The following PCSK5 variants were observed in gnomAD, a reference collection of about 807,000 sequenced individuals.
PCSK5 encodes proprotein convertase subtilisin/kexin type 5.
In PCSK5, 129 loss-of-function variants were observed where a neutral mutation model predicts 233.2. The ratio of observed to expected loss-of-function variants is 0.55; its 90% CI spans 0.48 to 0.64. The LOEUF is 0.64. PCSK5 is among the 30% of genes least tolerant of loss of function. The pLI is 0.00. For missense variants in PCSK5, 2,076 were observed against 2,430.1 expected, an observed-to-expected ratio of 0.85 and a Z score of 3.06; for synonymous variants, 825 against 879.2, an observed-to-expected ratio of 0.94 and a Z score of 1.09.
At chr9:75,927,218 G>T (rs1218459252) in intron 1 of PCSK5, among the ~76,000 whole-genome samples, 1 of 152,100 alleles carries the variant, frequency 6.6e-6, no homozygotes, top group African/African-American at 2.4e-5. Context: ...TGTGCGTATT[G>T]GCCATTTGTA....
intron 20 of PCSK5, among the ~76,000 whole-genome samples, chr9:76,192,060 A>G (rs1416003369): frequency 1.1e-5 from 1 of 92,894 alleles, no homozygotes; most frequent in Non-Finnish European, 2.0e-5. Flanking sequence ...ACAGAGCAAG[A>G]CTGTCTCAAA....
At chr9:76,102,608 A>G (rs1451241136) in intron 8 of PCSK5, among the ~76,000 whole-genome samples, 2 of 152,180 alleles carry the variant, frequency 1.3e-5, no homozygotes, top group Non-Finnish European at 2.9e-5. Flanking sequence ...ATCTGCAAAA[A>G]TTTGAAATCT....
At chr9:76,129,814 A>C (rs1822685099) in intron 9 of PCSK5, among the ~76,000 whole-genome samples, 2 of 152,118 alleles carry the variant, frequency 1.3e-5, no homozygotes, top group South Asian at 4.1e-4. Flanking sequence ...GCTTCTTCTA[A>C]ACCTTGTGTT....
Position 76,350,916 on chromosome 9 carries a change from C to G in PCSK5, c.5055C>G (p.Tyr1685Ter). ...CCTCGGACTGTCTTGTGGGGGAATA[C>G]AGAGTGGGAGAGGTATGGAGGGCTG... is the stretch of plus-strand genomic sequence containing the variant. Reference protein sequence around the residue: ...ICTSDCLVGEYRVGEGEKFNC... With the variant: ...ICTSDCLVGE Residue 1685 changes from tyrosine (Y) to a stop codon, truncating the protein, a stop_gained, in exon 36 of 38, where the codon TAC (tyrosine) becomes TAG (stop). Transcript: ENST00000674117. LOFTEE classifies it high-confidence loss of function. 1 of 1,592,372 alleles carries G rather than the reference C, an allele frequency of 6.3e-7. No individual in the cohort carries two copies. The highest frequency in any genetic ancestry group is 8.6e-7 in the Non-Finnish European group (1 of 1,162,266).
intron 1 of PCSK5, among the ~76,000 whole-genome samples, chr9:75,907,253 AC>A (rs546799805): frequency 1.7e-3 from 262 of 152,040 alleles, no homozygotes; most frequent in African/African-American, 6.2e-3. Flanking sequence ...ATAGTGTCTC[AC>A]TGTGTATACT....
chr9:76,310,776 T>C lies in PCSK5; in HGVS notation c.3809T>C (p.Leu1270Pro). The C allele has an allele frequency of 6.2e-7, 1 of 1,612,238 alleles. No homozygotes were observed. The highest frequency in any genetic ancestry group is 1.1e-5 in the South Asian group (1 of 90,894). The change falls in exon 30 of 38, where the codon CTT becomes CCT. Residue 1270 changes from leucine (L) to proline (P), a missense_variant. Physicochemically the swap from Leu to Pro is moderately conservative, Grantham distance 98. Around this residue, in one of 6 missense-constraint regions of PCSK5, gnomAD observed 1,510 missense variants for 1,538.1 expected, o/e 0.98. Transcript: ENST00000674117. ...EACAICSGAD[L>P]CKKCQMQPGH... The stretch of plus-strand genomic sequence containing the variant: ...TGTGCCATCTGCTCTGGAGCCGATC[T>C]TTGCAAAAAATGCCAGATGCAGCCG...
chr9:75,970,271 GTAAC>G (rs1825761677), intron 2 of PCSK5, among the ~76,000 whole-genome samples: 1 of 152,176 alleles, frequency 6.6e-6, no homozygotes. Flanking sequence ...GAGCAGCTGG[GTAAC>G]TAAGGCTTTT....
intron 24 of PCSK5, among the ~76,000 whole-genome samples, chr9:76,253,107 A>ATTCATAAAGCATCGTCT (rs1826864603): frequency 6.6e-6 from 1 of 152,242 alleles, no homozygotes; most frequent in Non-Finnish European, 1.5e-5. Flanking sequence ...GCTGCTCAGC[A>ATTCATAAAGCATCGTCT]TTCATAAAGC....
chr9:76,348,267 C>G (rs1000137737), intron 35 of PCSK5, among the ~76,000 whole-genome samples: 7 of 152,134 alleles, frequency 4.6e-5, no homozygotes, highest in African/African-American at 1.7e-4. Context: ...AAAAATTAGG[C>G]AAGTGTGGTG....
intron 12 of PCSK5, among the ~76,000 whole-genome samples, chr9:76,163,859 C>CT (rs67386134): frequency 0.2 from 19,137 of 96,564 alleles, 1,882 homozygotes; most frequent in East Asian, 0.32. Context: ...AAAAAGCTGT[C>CT]TTTTTTTTTT....
rs188009881 is a variant in PCSK5 at position 75,986,101 on chromosome 9, G to A, written c.298-31G>A. On this transcript the variant is annotated intron_variant, in intron 2 of 37. Transcript: ENST00000674117. Reference sequence around the variant, plus strand: ...TATGTTGTAATAACCCTGATGGAACGTGAATACTCACCAAATGTCCTTCTT... The same window carrying A: ...TATGTTGTAATAACCCTGATGGAACATGAATACTCACCAAATGTCCTTCTT... The A allele has an allele frequency of 1.6e-4, 201 of 1,250,728 alleles. No individual in the cohort carries two copies. The East Asian group carries it at 4.3e-3, about 27-fold the overall frequency. 77.5% of individuals were successfully genotyped at this position (1,250,728 alleles called of 1,614,324 possible).
At chr9:75,993,546 C>T (rs1826866478) in intron 3 of PCSK5, among the ~76,000 whole-genome samples, 1 of 149,580 alleles carries the variant, frequency 6.7e-6, no homozygotes, top group African/African-American at 2.4e-5. Flanking sequence ...GTATACTGTG[C>T]TTTCATGACA....
chr9:76,092,607 C>G (rs1417097353), intron 7 of PCSK5, among the ~76,000 whole-genome samples: 1 of 152,188 alleles, frequency 6.6e-6, no homozygotes, highest in East Asian at 1.9e-4. Flanking sequence ...CTATGTTGCC[C>G]AGGCTTATCT....
intron 21 of PCSK5, 38 bp downstream of exon 21, chr9:76,227,643 C>A (rs1825941101): frequency 7.5e-7 from 1 of 1,335,790 alleles, no homozygotes; most frequent in Non-Finnish European, 1.1e-6. Flanking sequence ...GGTGTGAGCT[C>A]ATGGATTGCA....
intron 35 of PCSK5, among the ~76,000 whole-genome samples, chr9:76,347,405 A>G (rs1830006924): frequency 6.6e-6 from 1 of 152,208 alleles, no homozygotes; most frequent in Admixed American, 6.5e-5. Context: ...AAAATAATAG[A>G]AAGCCTTCTG....
intron 20 of PCSK5, among the ~76,000 whole-genome samples, chr9:76,217,908 C>G (rs1365816160): frequency 1.3e-5 from 2 of 152,186 alleles, no homozygotes; most frequent in Non-Finnish European, 2.9e-5. Context: ...TCCCCACCCC[C>G]ATCCATACAA....
intron 17 of PCSK5, among the ~76,000 whole-genome samples, chr9:76,187,015 CAG>C (rs1407998707): frequency 2.0e-5 from 3 of 151,860 alleles, no homozygotes; most frequent in Admixed American, 1.3e-4. Flanking sequence ...GAAGAACAAA[CAG>C]GGGAAAAAAT....
Position 76,241,157 on chromosome 9 carries a change from T to C in PCSK5, c.3142+473T>C, listed in dbSNP as rs186957047. ...GGTTTCCTTTATAAAAATGACTCTGTTGGGCTGGGCACAGTGGCTCATGCC... is the reference window on the plus strand; with the variant it reads ...GGTTTCCTTTATAAAAATGACTCTGCTGGGCTGGGCACAGTGGCTCATGCC... On this transcript the variant is annotated intron_variant, in intron 24 of 37. Transcript: ENST00000674117. 1.1e-3 allele frequency among the ~76,000 whole-genome samples: 160 copies of C among 152,310 alleles called. 3 individuals carry two copies. In the East Asian group the frequency reaches 0.027, roughly 26 times the overall value.
intron 24 of PCSK5, among the ~76,000 whole-genome samples, chr9:76,281,639 A>G (rs1330839907): frequency 1.3e-5 from 2 of 152,146 alleles, no homozygotes; most frequent in Non-Finnish European, 2.9e-5. Context: ...ATTGAAGAGT[A>G]ATTTCAAATT....
Sources: allele counts gnomAD v4.1 joint callset (sites outside exome capture counted in the v4.1 genomes callset), GRCh38; gene constraint gnomAD v4.1.1; regional missense constraint gnomAD v4.1.1; transcripts MANE v1.5; gene names NCBI Gene and HGNC (gene_info 2026-07-23, HGNC 2026-07-21).